The following FARP1 variants were observed in gnomAD, a reference collection of about 807,000 sequenced individuals.
FARP1 encodes the protein FERM, ARHGEF and pleckstrin domain-containing protein 1.
In FARP1, 52 loss-of-function variants were observed where a neutral mutation model predicts 128.8. That is an observed-to-expected ratio of 0.40 (90% CI 0.32 to 0.51). FARP1 has a LOEUF of 0.51. FARP1 is among the 20% of genes least tolerant of loss of function. The pLI, the probability that FARP1 is intolerant of heterozygous loss-of-function variation, is 0.45. For synonymous variants in FARP1, 580 were observed against 551.8 expected (o/e 1.05, Z -0.72); for missense variants, 1,333 against 1,367.9 (o/e 0.97, Z 0.40).
At chr13:98,255,500 CA>C (rs1349617295) in intron 2 of FARP1, among the ~76,000 whole-genome samples, 12 of 143,638 alleles carry the variant, frequency 8.4e-5, no homozygotes, top group Non-Finnish European at 1.5e-4. Flanking sequence ...GACTTCATCT[CA>C]AAAAAAAAAC....
chr13:98,339,254 G>A (rs1237954872), intron 2 of FARP1, among the ~76,000 whole-genome samples: 18 of 152,318 alleles, frequency 1.2e-4, no homozygotes, highest in African/African-American at 3.8e-4. Flanking sequence ...GAAACTTACA[G>A]TCACGGTAGA....
At chr13:98,293,958 C>T (rs1013947156) in intron 2 of FARP1, among the ~76,000 whole-genome samples, 1 of 152,162 alleles carries the variant, frequency 6.6e-6, no homozygotes, top group Non-Finnish European at 1.5e-5. Context: ...GTGAGGATGC[C>T]TCAAGAGATG....
rs1014162451 is a variant in FARP1 at position 98,449,610 on chromosome 13, G to C, written c.*1293G>C. The C allele has an allele frequency of 2.6e-5, 4 of 152,610 alleles. No individual in the cohort carries two copies. The highest frequency in any genetic ancestry group is 2.6e-4 in the Admixed American group (4 of 15,274). 9.5% of individuals were successfully genotyped at this position (152,610 alleles called of 1,614,324 possible). ...CACCCTCTCTGTGGAGCTCTGACTG[G>C]TGTAGCTGGAAACAAACAGCAACTT... is the stretch of plus-strand genomic sequence containing the variant. On this transcript the variant is annotated 3_prime_UTR_variant, in exon 27 of 27. Coordinates refer to ENST00000319562, the MANE Select transcript of FARP1 (RefSeq NM_005766.4).
intron 11 of FARP1, among the ~76,000 whole-genome samples, chr13:98,393,160 C>T (rs535888697): frequency 6.6e-6 from 1 of 152,294 alleles, no homozygotes; most frequent in African/African-American, 2.4e-5. Flanking sequence ...TGAGGGCAGG[C>T]CTTTTCCTCT....
chr13:98,422,370 G>T (rs1891625175), intron 16 of FARP1, among the ~76,000 whole-genome samples: 2 of 152,166 alleles, frequency 1.3e-5, no homozygotes, highest in Admixed American at 6.5e-5. Flanking sequence ...ATTAGCAGAG[G>T]AGCGGTGCCA....
Position 98,440,629 on chromosome 13 carries a change from G to C in FARP1, c.2630-41G>C, listed in dbSNP as rs772261013. 5.7e-6 allele frequency: 9 copies of C among 1,579,076 alleles called. No homozygotes were observed. In the South Asian group the frequency reaches 8.0e-5, roughly 14 times the overall value. On this transcript the variant is annotated intron_variant, in intron 23 of 26. Coordinates refer to ENST00000319562, the MANE Select transcript of FARP1 (RefSeq NM_005766.4). The stretch of plus-strand genomic sequence containing the variant: ...AGAGTGTATCAGGAAGGGGCGCTGG[G>C]AGGAAAGATCAGAAGTGCTGCCTTT...
At chr13:98,375,380 C>T (rs1379083661) in intron 5 of FARP1, among the ~76,000 whole-genome samples, 1 of 151,988 alleles carries the variant, frequency 6.6e-6, no homozygotes, top group African/African-American at 2.4e-5. Context: ...TTGGCACTTA[C>T]AATTTTTTTG....
chr13:98,150,577 G>A (rs935068402), intron 1 of FARP1, among the ~76,000 whole-genome samples: 3 of 152,078 alleles, frequency 2.0e-5, no homozygotes, highest in Non-Finnish European at 4.4e-5. Flanking sequence ...ATTTTACATG[G>A]TCTAGTTATT....
intron 13 of FARP1, chr13:98,404,832 G>C (rs1212158002): frequency 1.3e-5 from 2 of 152,110 alleles, no homozygotes; most frequent in East Asian, 3.8e-4. Context: ...GCAATCAGTA[G>C]TCTCATTTTT....
At chr13:98,424,705 G>T in intron 17 of FARP1, 55 bp downstream of exon 17, 1 of 1,209,926 alleles carries the variant, frequency 8.3e-7, no homozygotes, top group Non-Finnish European at 1.2e-6. Context: ...ATCGAGCGGG[G>T]CTGCCATGGG....
intron 3 of FARP1, among the ~76,000 whole-genome samples, chr13:98,356,079 G>A (rs1888625159): frequency 6.6e-6 from 1 of 152,134 alleles, no homozygotes; most frequent in African/African-American, 2.4e-5. Flanking sequence ...TATGTTCTGT[G>A]TTGGGTAGGA....
chr13:98,239,514 T>C (rs1344785056), intron 2 of FARP1, among the ~76,000 whole-genome samples: 1 of 151,988 alleles, frequency 6.6e-6, no homozygotes, highest in East Asian at 1.9e-4. Context: ...TCATTTTAAG[T>C]GGTGTGAGGG....
intron 1 of FARP1, among the ~76,000 whole-genome samples, chr13:98,211,777 G>T (rs113191616): frequency 6.6e-6 from 1 of 152,118 alleles, no homozygotes; most frequent in African/African-American, 2.4e-5. Flanking sequence ...TGGAAATCTC[G>T]TTCCCTTATG....
Position 98,440,074 on chromosome 13 carries a change from CCCCTT to C in FARP1, c.2516+32_2516+36del. ...TCGGGAGCCCGCCCCTTGCCTGTTT[CCCCTT>C]TGATGTGCTGTGGCCTGAACACCTG... On this transcript the variant is annotated intron_variant, in intron 22 of 26. Coordinates refer to ENST00000319562, the MANE Select transcript of FARP1 (RefSeq NM_005766.4). The C allele has an allele frequency of 2.5e-6, 4 of 1,609,054 alleles. No individual in the cohort carries two copies. In the South Asian group the frequency reaches 3.3e-5, roughly 13 times the overall value.
At chr13:98,244,873 T>A in intron 2 of FARP1, 1 of 1,436,902 alleles carries the variant, frequency 7.0e-7, no homozygotes, top group Non-Finnish European at 9.1e-7. Context: ...TGAAGCTGCA[T>A]ACAGAGGGGC....
rs905388571 is a variant in FARP1, at chr13:98,244,937, G to A, written c.171+31524G>A. On this transcript the variant is annotated intron_variant, in intron 2 of 26. Transcript: ENST00000319562. ...GGCTTGGTTTGATCTACTAGATTTG[G>A]TGCCTCTTAAAGGGAAGCAATACAG... 9.6e-6 allele frequency: 13 copies of A among 1,355,732 alleles called. No individual in the cohort carries two copies. In the African/African-American group the frequency reaches 1.6e-4, roughly 17 times the overall value. 84.0% of individuals were successfully genotyped at this position (1,355,732 alleles called of 1,614,324 possible). A position where few individuals can be genotyped will look rare whatever the true frequency, so the allele number is the denominator to read the frequency against.
At chr13:98,374,195 A>C (rs1889476129) in intron 5 of FARP1, among the ~76,000 whole-genome samples, 1 of 152,188 alleles carries the variant, frequency 6.6e-6, no homozygotes. Context: ...AGGCTGAAGC[A>C]GGAGGATGTC....
chr13:98,308,794 G>C (rs1460392372), intron 2 of FARP1, among the ~76,000 whole-genome samples: 1 of 151,940 alleles, frequency 6.6e-6, no homozygotes, highest in African/African-American at 2.4e-5. Context: ...GCAGCCTCCC[G>C]AGTAGCTGGT....
At chr13:98,339,086 T>C (rs1006104216) in intron 2 of FARP1, among the ~76,000 whole-genome samples, 4 of 152,098 alleles carry the variant, frequency 2.6e-5, no homozygotes, top group East Asian at 1.9e-4. Context: ...CCGGTACACA[T>C]TGGGGTGTTA....
Sources: gnomAD v4.1 joint callset for allele counts (sites outside exome capture counted in the v4.1 genomes callset) on GRCh38, gnomAD v4.1.1 for gene constraint, MANE v1.5 for transcripts, NCBI Gene and HGNC (gene_info 2026-07-23, HGNC 2026-07-21) for gene names.